PTPRD: variants seen among roughly 807,000 people sequenced by gnomAD.
PTPRD encodes protein tyrosine phosphatase receptor type D, also known as receptor-type tyrosine-protein phosphatase delta.
Under a neutral mutation model 214.5 loss-of-function variants are expected in PTPRD, and 34 were observed. That is an observed-to-expected ratio of 0.16 (90% CI 0.12 to 0.21). The LOEUF is 0.21. Ranked by LOEUF, PTPRD falls within the 10% of genes least tolerant of loss-of-function variation. The pLI is 1.00. For missense variants in PTPRD, 2,545 were observed against 2,398.7 expected (o/e 1.06, Z -1.27); for synonymous variants, 1,128 against 845.7 (o/e 1.33, Z -5.79).
At chr9:8,502,865 C>T (rs72694749) in intron 23 of PTPRD, among the ~76,000 whole-genome samples, 3,469 of 126,908 alleles carry the variant, frequency 0.027, 130 homozygotes, top group African/African-American at 0.085. Flanking sequence ...TATATATATA[C>T]ACACACACAC....
At chr9:9,171,006 G>T (rs2099913455) in intron 10 of PTPRD, among the ~76,000 whole-genome samples, 1 of 152,086 alleles carries the variant, frequency 6.6e-6, no homozygotes, top group Non-Finnish European at 1.5e-5. Context: ...AGGCCCAGCT[G>T]TCCAGGAAAG....
At chr9:10,076,960 C>T (rs1363354762) in intron 3 of PTPRD, among the ~76,000 whole-genome samples, 1 of 152,130 alleles carries the variant, frequency 6.6e-6, no homozygotes, top group African/African-American at 2.4e-5. Context: ...TTGGTACACA[C>T]TATGTACAAC....
chr9:10,304,701 G>C (rs1596552976), intron 3 of PTPRD, among the ~76,000 whole-genome samples: 2 of 152,066 alleles, frequency 1.3e-5, no homozygotes, highest in East Asian at 1.9e-4. Context: ...TAACTTACAA[G>C]GTATGTGAAA....
chr9:9,448,869 C>T (rs748995491), intron 8 of PTPRD, among the ~76,000 whole-genome samples: 4 of 151,988 alleles, frequency 2.6e-5, no homozygotes, highest in Admixed American at 2.0e-4. Flanking sequence ...GATGAGGTTG[C>T]TAATCATTGC....
intron 2 of PTPRD, among the ~76,000 whole-genome samples, chr9:10,388,329 T>C (rs2097967603): frequency 6.6e-6 from 1 of 151,716 alleles, no homozygotes; most frequent in Admixed American, 6.6e-5. Flanking sequence ...TGAGATAAAA[T>C]GATTAAAAAG....
intron 5 of PTPRD, among the ~76,000 whole-genome samples, chr9:9,824,737 G>C (rs541410307): frequency 3.3e-5 from 5 of 151,988 alleles, no homozygotes; most frequent in Admixed American, 6.6e-5. Context: ...TTCTCAATAT[G>C]TGATTTAAAT....
intron 4 of PTPRD, among the ~76,000 whole-genome samples, chr9:9,968,113 AG>A (rs1224525355): frequency 6.6e-6 from 1 of 152,192 alleles, no homozygotes; most frequent in Admixed American, 6.5e-5. Flanking sequence ...ATCCTATTTT[AG>A]AATATTAAAA....
chr9:9,015,261 G>A (rs562778023), intron 11 of PTPRD, among the ~76,000 whole-genome samples: 9 of 152,208 alleles, frequency 5.9e-5, no homozygotes, highest in Admixed American at 5.2e-4. Flanking sequence ...TAAGTCACAG[G>A]ATGAGATAGG....
At chr9:9,819,957 C>T (rs916529138) in intron 5 of PTPRD, among the ~76,000 whole-genome samples, 5 of 152,034 alleles carry the variant, frequency 3.3e-5, no homozygotes, top group African/African-American at 7.3e-5. Context: ...AATGAAAATG[C>T]GAGTACGTGT....
At chr9:8,501,300 T>C (rs1323373686) in intron 23 of PTPRD, among the ~76,000 whole-genome samples, 3 of 152,132 alleles carry the variant, frequency 2.0e-5, no homozygotes, top group Non-Finnish European at 4.4e-5. Context: ...AGGGGGAATA[T>C]GTGAAAATGA....
In PTPRD at chr9:9,856,735, T is replaced by C. The variant is rs573999769; in HGVS notation, c.-368+81772A>G. 1.6e-4 allele frequency among the ~76,000 whole-genome samples: 24 copies of C among 152,304 alleles called. 1 individual carries two copies. Among genetic ancestry groups the C allele is most frequent in the Admixed American group, 1.4e-3 (22 of 15,296 alleles). ...TCTGATGGACCCTGCAGCAGCGGGA[T>C]ACTTTTCTCAGCTGAACTTAACTCT... On this transcript the variant is annotated intron_variant, in intron 5 of 45. Coordinates refer to ENST00000381196, the MANE Select transcript of PTPRD (RefSeq NM_002839.4).
At chr9:8,331,891 A>G (rs1841614000) in intron 43 of PTPRD, among the ~76,000 whole-genome samples, 155 bp from the exon 44 acceptor site, 1 of 151,070 alleles carries the variant, frequency 6.6e-6, no homozygotes, top group Middle Eastern at 3.4e-3. Flanking sequence ...GTTATGGTTT[A>G]TCTGCTATAA....
chr9:8,565,000 A>G lies in PTPRD; in HGVS notation c.353-36221T>C, dbSNP rs543539166. ...ATCCTCAGCAAAATTTGTCTCTAGA[A>G]ATACAAAAGCTCCTTCATTGAAAAA... On this transcript the variant is annotated intron_variant, in intron 14 of 45. Coordinates refer to ENST00000381196, the MANE Select transcript of PTPRD (RefSeq NM_002839.4). Among the ~76,000 whole-genome samples, 5 of 152,362 alleles carry G rather than the reference A, an allele frequency of 3.3e-5. No homozygotes were observed. The South Asian group carries it at 1.0e-3, about 32-fold the overall frequency.
chr9:8,848,556 G>C (rs2097753895), intron 11 of PTPRD, among the ~76,000 whole-genome samples: 1 of 149,544 alleles, frequency 6.7e-6, no homozygotes, highest in African/African-American at 2.5e-5. Context: ...TGTTGCCCAG[G>C]CTGGTCTTAA....
At chr9:8,590,352 GTA>G (rs1197689784) in intron 14 of PTPRD, among the ~76,000 whole-genome samples, 1 of 152,068 alleles carries the variant, frequency 6.6e-6, no homozygotes, top group East Asian at 1.9e-4. Context: ...GTCTTCCAAG[GTA>G]TTTTATTTGG....
At chr9:9,046,557 CT>C (rs1434154084) in intron 10 of PTPRD, among the ~76,000 whole-genome samples, 3 of 152,034 alleles carry the variant, frequency 2.0e-5, no homozygotes, top group Non-Finnish European at 4.4e-5. Context: ...CTTCCTATTC[CT>C]TTTATTGATA....
Position 8,847,291 on chromosome 9 carries a change from T to C in PTPRD, c.-103-113345A>G, listed in dbSNP as rs541542288. On this transcript the variant is annotated intron_variant, in intron 11 of 45. Transcript: ENST00000381196. ...ATCAGTAACTGAATATACATAACAG[T>C]ATTTATTAAACTTATCATTCTTAAT... is the stretch of plus-strand genomic sequence containing the variant. Among the ~76,000 whole-genome samples, 27 of 69,266 alleles carry C rather than the reference T, an allele frequency of 3.9e-4. No homozygotes were observed. In the African/African-American group the frequency reaches 5.9e-3, roughly 15 times the overall value. 45.4% of individuals were successfully genotyped at this position (69,266 alleles called of 152,430 possible).
At chr9:10,384,770 G>A (rs1423207875) in intron 2 of PTPRD, among the ~76,000 whole-genome samples, 3 of 148,590 alleles carry the variant, frequency 2.0e-5, no homozygotes, top group Non-Finnish European at 4.5e-5. Flanking sequence ...AAATTTGTCA[G>A]AAAAAAAAAA....
At chr9:9,553,714 G>C (rs764101342) in intron 8 of PTPRD, among the ~76,000 whole-genome samples, 9 of 151,556 alleles carry the variant, frequency 5.9e-5, no homozygotes, top group Non-Finnish European at 1.3e-4. Context: ...TTCCTAGCAA[G>C]CTATTCAGGT....
Sources: gnomAD v4.1 joint callset for allele counts (sites outside exome capture counted in the v4.1 genomes callset) on GRCh38, gnomAD v4.1.1 for gene constraint, MANE v1.5 for transcripts, NCBI Gene and HGNC (gene_info 2026-07-23, HGNC 2026-07-21) for gene names.